ANKRD26: variants seen among roughly 807,000 people sequenced by gnomAD.
The protein encoded by ANKRD26 is ankyrin repeat domain-containing protein 26.
Under a neutral mutation model 208.7 loss-of-function variants are expected in ANKRD26, and 141 were observed. That is an observed-to-expected ratio of 0.68 (90% CI 0.59 to 0.78). The LOEUF (loss-of-function observed/expected upper bound fraction) is 0.78, where lower values mean the gene tolerates loss of function less well. Ranked by LOEUF, ANKRD26 falls within the 30% of genes least tolerant of loss-of-function variation. The pLI, the probability that ANKRD26 is intolerant of heterozygous loss-of-function variation, is 0.00. For missense variants in ANKRD26, 1,889 were observed against 1,938.7 expected, an observed-to-expected ratio of 0.97 and a Z score of 0.48; for synonymous variants, 636 against 660.4, an observed-to-expected ratio of 0.96 and a Z score of 0.57.
intron 5 of ANKRD26, among the ~76,000 whole-genome samples, chr10:27,083,647 T>C (rs892385821): frequency 6.6e-6 from 1 of 152,232 alleles, no homozygotes; most frequent in Non-Finnish European, 1.5e-5. Flanking sequence ...GAGAACCTCA[T>C]AATGGATAAA....
intron 6 of ANKRD26, chr10:27,080,851 G>A (rs1198119235): frequency 5.1e-6 from 5 of 985,272 alleles, no homozygotes; most frequent in African/African-American, 1.7e-5. Context: ...CCATGATTTG[G>A]GTTGCTCCAT....
chr10:27,091,956 T>G (rs1400515221), intron 4 of ANKRD26, among the ~76,000 whole-genome samples: 1 of 151,428 alleles, frequency 6.6e-6, no homozygotes, highest in Non-Finnish European at 1.5e-5. Flanking sequence ...CACTGCACTC[T>G]AGCCTGAGTG....
chr10:27,025,345 A>T (rs1179890872), intron 27 of ANKRD26, among the ~76,000 whole-genome samples: 1 of 151,970 alleles, frequency 6.6e-6, no homozygotes, highest in African/African-American at 2.4e-5. Flanking sequence ...AATTTATTTC[A>T]TATTTTTTAG....
intron 9 of ANKRD26, chr10:27,077,016 A>C: frequency 3.1e-6 from 1 of 324,980 alleles, no homozygotes. Flanking sequence ...GTATCACCCT[A>C]ATACCAAAGC....
At chr10:27,086,716 G>A in intron 4 of ANKRD26, 107 bp from the exon 5 acceptor site, 2 of 1,096,724 alleles carry the variant, frequency 1.8e-6, no homozygotes, top group Non-Finnish European at 1.2e-6. Flanking sequence ...GCTAACAGCA[G>A]AATTTTAATT....
chr10:27,008,870 C>CA (rs2052987884), intron 32 of ANKRD26, among the ~76,000 whole-genome samples: 1 of 152,096 alleles, frequency 6.6e-6, no homozygotes, highest in South Asian at 2.1e-4. Flanking sequence ...GGTGGAGTCT[C>CA]ACTCTGTTGC....
At chr10:27,007,753 T>C (rs529237869) in intron 32 of ANKRD26, among the ~76,000 whole-genome samples, 1 of 152,304 alleles carries the variant, frequency 6.6e-6, no homozygotes, top group East Asian at 1.9e-4. Context: ...GAATCATCAA[T>C]ATATACATGA....
chr10:26,991,377 C>T (rs1589172838), downstream of ANKRD26, among the ~76,000 whole-genome samples: 1 of 152,004 alleles, frequency 6.6e-6, no homozygotes, highest in Admixed American at 6.6e-5. Context: ...ATGCTTTTCT[C>T]CAAAGATGAT....
Position 27,070,669 on chromosome 10 carries a change from AT to A in ANKRD26, c.1078-3384del, listed in dbSNP as rs58198134. ...AAAAGTAAAAAATCATCTTCTAGAG[AT>A]TTTTTTTTTTTTTGAGATGGAGTCT... On this transcript the variant is annotated intron_variant, in intron 9 of 33. Transcript: ENST00000376087. 4.9e-3 allele frequency among the ~76,000 whole-genome samples: 714 copies of A among 145,176 alleles called. 2 individuals are homozygous for A. The highest frequency in any genetic ancestry group is 0.01 in the African/African-American group (414 of 39,910).
chr10:27,017,541 T>A lies in ANKRD26; in HGVS notation c.4467A>T (p.Glu1489Asp), dbSNP rs1416988044. ...TGACTTCTTTTAATTTTTCTGCTAT[T>A]TCCTGTCTTGCTCTTTCTTCAATCT... ...KQEIEERARQ[E>D]IAEKLKEVNL... Residue 1489 changes from glutamate to aspartate, a missense_variant, in exon 30 of 34, where the codon GAA becomes GAT. Physicochemically the swap from Glu to Asp is conservative, Grantham distance 45. Around this residue, in one of 3 missense-constraint regions of ANKRD26, gnomAD observed 613 missense variants for 648.2 expected, o/e 0.95. Transcript: ENST00000376087. The A allele has an allele frequency of 3.1e-6, 5 of 1,613,588 alleles. No homozygotes were observed. Among genetic ancestry groups the A allele is most frequent in the Non-Finnish European group, 3.4e-6 (4 of 1,179,852 alleles).
chr10:27,001,506 T>C (rs2052724620), downstream of ANKRD26, among the ~76,000 whole-genome samples: 1 of 152,182 alleles, frequency 6.6e-6, no homozygotes. Flanking sequence ...TGGTGTCTGA[T>C]TTACATAGGG....
rs2134769376 is a variant in ANKRD26, at chr10:27,004,233, T to A, written c.*1357A>T. ...CAGTAAAATGTTAACATTTGGGGAA[T>A]AATATCCAAAAATTATTTGTACTAC... is the stretch of plus-strand genomic sequence containing the variant. On this transcript the variant is annotated 3_prime_UTR_variant, in exon 34 of 34. Transcript: ENST00000376087. The A allele has an allele frequency of 6.6e-6, 1 of 152,258 alleles. No homozygotes were observed. Among genetic ancestry groups the A allele is most frequent in the African/African-American group, 2.4e-5 (1 of 41,562 alleles). 9.4% of individuals were successfully genotyped at this position (152,258 alleles called of 1,614,324 possible). A position where few individuals can be genotyped will look rare whatever the true frequency, so the allele number is the denominator to read the frequency against.
chr10:27,075,596 C>T (rs2055666239), intron 9 of ANKRD26, among the ~76,000 whole-genome samples: 1 of 152,118 alleles, frequency 6.6e-6, no homozygotes, highest in East Asian at 1.9e-4. Flanking sequence ...ATTAATAAAA[C>T]AATTACTACT....
chr10:27,090,915 G>C (rs1211043683), intron 4 of ANKRD26, among the ~76,000 whole-genome samples: 2 of 152,106 alleles, frequency 1.3e-5, no homozygotes, highest in Admixed American at 1.3e-4. Context: ...GGGTAATATG[G>C]GGAAATCCCA....
intron 10 of ANKRD26, among the ~76,000 whole-genome samples, chr10:27,066,896 C>T (rs1306223083): frequency 6.6e-6 from 1 of 151,750 alleles, no homozygotes; most frequent in African/African-American, 2.4e-5. Flanking sequence ...CAACTTCTGT[C>T]TCCCAGGTTC....
Position 27,048,883 on chromosome 10 carries a change from C to G in ANKRD26, c.1732G>C (p.Asp578His). Reference sequence around the variant, plus strand: ...TTTCTTTTTTGAATTAATCCATCATCATCATCATCATCTTCAGCATCATCA... The same window carrying G: ...TTTCTTTTTTGAATTAATCCATCATGATCATCATCATCTTCAGCATCATCA... ...ATDDAEDDDD[D>H]DGLIQKRKSG... is the part of the protein sequence containing the mutation. Residue 578 changes from aspartate (D) to histidine (H), a missense_variant, in exon 17 of 34, where the codon GAT becomes CAT. By Grantham distance (81) the Asp-to-His change is moderately conservative (BLOSUM62 -1). Transcript: ENST00000376087. 1 of 1,613,140 alleles carries G rather than the reference C, an allele frequency of 6.2e-7. No individual in the cohort carries two copies. Among genetic ancestry groups the G allele is most frequent in the Non-Finnish European group, 8.5e-7 (1 of 1,179,660 alleles).
At chr10:27,068,617 T>C (rs2055355170) in intron 9 of ANKRD26, among the ~76,000 whole-genome samples, 1 of 151,712 alleles carries the variant, frequency 6.6e-6, no homozygotes, top group Non-Finnish European at 1.5e-5. Context: ...AACAGAAAAA[T>C]CAGGCCAAAC....
At chr10:27,099,403 T>C (rs1038204701) in intron 1 of ANKRD26, among the ~76,000 whole-genome samples, 15 of 152,176 alleles carry the variant, frequency 9.9e-5, no homozygotes, top group African/African-American at 3.4e-4. Flanking sequence ...AAAAACAAAT[T>C]ACTTGTATAT....
chr10:27,020,220 T>C (rs1415830273), intron 29 of ANKRD26, among the ~76,000 whole-genome samples: 1 of 152,268 alleles, frequency 6.6e-6, no homozygotes, highest in Non-Finnish European at 1.5e-5. Flanking sequence ...GATATTTTAA[T>C]AGATGTATAC....
Sources: gnomAD v4.1 joint callset for allele counts (sites outside exome capture counted in the v4.1 genomes callset) on GRCh38, gnomAD v4.1.1 for gene constraint, gnomAD v4.1.1 regional missense constraint, MANE v1.5 for transcripts, NCBI Gene and HGNC (gene_info 2026-07-23, HGNC 2026-07-21) for gene names.